Variants in RNLS observed in about 807,000 individuals in gnomAD.
The protein encoded by RNLS is renalase, FAD dependent amine oxidase.
Under a neutral mutation model 39.8 loss-of-function variants are expected in RNLS, and 39 were observed. That is an observed-to-expected ratio of 0.98 (90% CI 0.76 to 1.28). The LOEUF (loss-of-function observed/expected upper bound fraction) is 1.28, where lower values mean the gene tolerates loss of function less well. Ranked by LOEUF, RNLS falls within the 50% of genes most tolerant of loss-of-function variation. The pLI is 0.00. For synonymous variants in RNLS, 147 were observed against 150.7 expected, an observed-to-expected ratio of 0.98 and a Z score of 0.18; for missense variants, 410 against 413.3, an observed-to-expected ratio of 0.99 and a Z score of 0.07.
At chr10:88,235,812 G>A in the RNLS span, among the ~76,000 whole-genome samples, 15 of 151,666 alleles carry the variant, frequency 9.9e-5, no homozygotes, top group Non-Finnish European at 1.9e-4. Context: ...GAGGTTTTTT[G>A]TTGTTATTGC....
chr10:88,439,451 G>A (rs937442848), intron 4 of RNLS, among the ~76,000 whole-genome samples: 3 of 152,150 alleles, frequency 2.0e-5, no homozygotes, highest in Non-Finnish European at 4.4e-5. Context: ...CTATGCTTTT[G>A]TTTATTAACT....
chr10:88,184,213 C>G, the RNLS span, among the ~76,000 whole-genome samples: 1 of 152,130 alleles, frequency 6.6e-6, no homozygotes, highest in East Asian at 1.9e-4. Flanking sequence ...TTCTTCTCTA[C>G]TCACTCAAGA....
At chr10:88,263,539 AT>A in the RNLS span, among the ~76,000 whole-genome samples, 1 of 150,530 alleles carries the variant, frequency 6.6e-6, no homozygotes, top group Non-Finnish European at 1.5e-5. Flanking sequence ...CTTTGTTTTC[AT>A]TTTTTTTTCT....
At chr10:88,238,260 C>G in the RNLS span, among the ~76,000 whole-genome samples, 5 of 152,116 alleles carry the variant, frequency 3.3e-5, no homozygotes, top group Non-Finnish European at 7.3e-5. Flanking sequence ...GATTTGCAAC[C>G]TCTGTAATGT....
chr10:88,217,870 T>C, the RNLS span, among the ~76,000 whole-genome samples: 10 of 151,430 alleles, frequency 6.6e-5, no homozygotes, highest in African/African-American at 2.4e-4. Context: ...TGAAAACCCA[T>C]CTCTACTAAA....
chr10:88,185,393 T>C, the RNLS span, among the ~76,000 whole-genome samples: 8 of 152,310 alleles, frequency 5.3e-5, no homozygotes, highest in South Asian at 1.7e-3. Flanking sequence ...GTCCCTTTAA[T>C]GGTCTTTTTT....
At chr10:88,484,969 A>C (rs1326996491) in intron 4 of RNLS, among the ~76,000 whole-genome samples, 1 of 151,904 alleles carries the variant, frequency 6.6e-6, no homozygotes, top group Non-Finnish European at 1.5e-5. Flanking sequence ...TGTCAGAATT[A>C]TCCTTAAGCA....
chr10:88,192,934 G>A, the RNLS span, among the ~76,000 whole-genome samples: 2 of 152,200 alleles, frequency 1.3e-5, no homozygotes, highest in Non-Finnish European at 2.9e-5. Flanking sequence ...ATATTGACAT[G>A]GAGTTAGCAT....
At chr10:88,437,959 T>A (rs2133835511) in intron 4 of RNLS, among the ~76,000 whole-genome samples, 1 of 152,072 alleles carries the variant, frequency 6.6e-6, no homozygotes, top group East Asian at 1.9e-4. Flanking sequence ...AAACCCCGTC[T>A]CTACTAAAAA....
At chr10:88,571,376 G>C (rs956729510) in intron 4 of RNLS, among the ~76,000 whole-genome samples, 1 of 152,092 alleles carries the variant, frequency 6.6e-6, no homozygotes, top group Non-Finnish European at 1.5e-5. Flanking sequence ...CATAGACTGT[G>C]GTAATGGTTT....
intron 4 of RNLS, among the ~76,000 whole-genome samples, chr10:88,549,994 C>A (rs1175069466): frequency 2.0e-5 from 3 of 152,160 alleles, no homozygotes; most frequent in Non-Finnish European, 4.4e-5. Flanking sequence ...CAAGACAACA[C>A]CCACACTCAC....
intron 4 of RNLS, among the ~76,000 whole-genome samples, chr10:88,372,344 T>C (rs1403030366): frequency 6.6e-6 from 1 of 152,164 alleles, no homozygotes; most frequent in Non-Finnish European, 1.5e-5. Flanking sequence ...GTTTTCTCTC[T>C]AGTCCCTGCT....
chr10:88,200,991 C>CTTT, the RNLS span, among the ~76,000 whole-genome samples: 84 of 147,502 alleles, frequency 5.7e-4, no homozygotes, highest in African/African-American at 8.4e-4. Flanking sequence ...AAAATGAATC[C>CTTT]TTTTTTTTTT....
the RNLS span, among the ~76,000 whole-genome samples, chr10:88,205,261 C>T: frequency 6.6e-6 from 1 of 152,052 alleles, no homozygotes; most frequent in Non-Finnish European, 1.5e-5. Flanking sequence ...GAATGGCTGC[C>T]TTTCTCTGTG....
the RNLS span, among the ~76,000 whole-genome samples, chr10:88,207,100 T>A: frequency 6.6e-6 from 1 of 152,082 alleles, no homozygotes; most frequent in Non-Finnish European, 1.5e-5. Flanking sequence ...AAACAGAAAA[T>A]CTTTATGACC....
At chr10:88,247,532 C>T in the RNLS span, among the ~76,000 whole-genome samples, 5 of 152,264 alleles carry the variant, frequency 3.3e-5, no homozygotes, top group East Asian at 5.8e-4. Context: ...TCAGTCGCCT[C>T]GTCTGTAAAA....
intron 4 of RNLS, among the ~76,000 whole-genome samples, chr10:88,555,171 A>T (rs902977312): frequency 1.3e-5 from 2 of 152,106 alleles, no homozygotes; most frequent in African/African-American, 4.8e-5. Flanking sequence ...GGTGATCATG[A>T]AAAAGTGAGA....
chr10:88,408,665 T>C (rs1853449449), intron 4 of RNLS, among the ~76,000 whole-genome samples: 1 of 152,128 alleles, frequency 6.6e-6, no homozygotes, highest in Admixed American at 6.6e-5. Context: ...TATAATGCAA[T>C]TTATTTATTT....
At chr10:88,510,822 G>A (rs1846074905) in intron 4 of RNLS, among the ~76,000 whole-genome samples, 1 of 150,510 alleles carries the variant, frequency 6.6e-6, no homozygotes, top group South Asian at 2.1e-4. Flanking sequence ...ACACCAGCCT[G>A]AGCAACAGAG....
Sources: allele counts gnomAD v4.1 joint callset (sites outside exome capture counted in the v4.1 genomes callset), GRCh38; gene constraint gnomAD v4.1.1; transcripts MANE v1.5; gene names NCBI Gene and HGNC (gene_info 2026-07-23, HGNC 2026-07-21).